MCF2L2: variants seen among roughly 807,000 people sequenced by gnomAD.
MCF2L2 encodes the protein probable guanine nucleotide exchange factor MCF2L2.
Under a neutral mutation model 150.2 loss-of-function variants are expected in MCF2L2, and 102 were observed. The observed-to-expected ratio is 0.68, with a 90% confidence interval of 0.58 to 0.80. The LOEUF is 0.80. MCF2L2 is among the 30% of genes least tolerant of loss of function. The pLI, the probability that MCF2L2 is intolerant of heterozygous loss-of-function variation, is 0.00. For missense variants in MCF2L2, 1,256 were observed against 1,372.8 expected (o/e 0.91, Z 1.34); for synonymous variants, 465 against 491.3 (o/e 0.95, Z 0.71).
chr3:183,289,254 C>T (rs1559999565), intron 13 of MCF2L2, 34 bp from the exon 14 acceptor site: 1 of 1,397,402 alleles, frequency 7.2e-7, no homozygotes, highest in South Asian at 1.2e-5. Flanking sequence ...GGTTATTTAA[C>T]TTATAAACTA....
At chr3:183,232,189 T>C (rs940056) in intron 15 of MCF2L2, among the ~76,000 whole-genome samples, 37,682 of 151,992 alleles carry the variant, frequency 0.25, 5,152 homozygotes, top group South Asian at 0.34. Flanking sequence ...TGGGCAGCCG[T>C]AGGAACTGAG....
intron 18 of MCF2L2, 55 bp downstream of exon 18, chr3:183,228,242 G>A (rs748040947): frequency 7.3e-6 from 10 of 1,364,626 alleles, no homozygotes; most frequent in Admixed American, 5.1e-5. Flanking sequence ...GCCACTTAAC[G>A]CAGAAATGTA....
At chr3:183,295,200 TA>T in intron 13 of MCF2L2, 99 bp downstream of exon 13, 1 of 1,281,248 alleles carries the variant, frequency 7.8e-7, no homozygotes, top group Non-Finnish European at 1.1e-6. Flanking sequence ...TAGTATCTGT[TA>T]AAACAGCGAC....
intron 5 of MCF2L2, among the ~76,000 whole-genome samples, chr3:183,326,257 G>A (rs753006023): frequency 3.3e-5 from 5 of 151,866 alleles, no homozygotes; most frequent in African/African-American, 4.8e-5. Context: ...TTTAACAGGC[G>A]GAGGCGGACA....
chr3:183,347,466 T>G (rs757165916), intron 3 of MCF2L2, among the ~76,000 whole-genome samples: 1 of 152,112 alleles, frequency 6.6e-6, no homozygotes, highest in African/African-American at 2.4e-5. Context: ...GAAGAAAACT[T>G]AGGCAATACC....
chr3:183,213,396 A>C (rs1026984525), intron 22 of MCF2L2, among the ~76,000 whole-genome samples: 3 of 152,194 alleles, frequency 2.0e-5, no homozygotes, highest in Non-Finnish European at 4.4e-5. Flanking sequence ...CAGAAAAACA[A>C]GAAAATATAA....
chr3:183,340,650 A>G (rs1730659241), intron 4 of MCF2L2, among the ~76,000 whole-genome samples: 2 of 152,154 alleles, frequency 1.3e-5, no homozygotes, highest in African/African-American at 4.8e-5. Context: ...TAATATATGA[A>G]TAAATAATTT....
intron 9 of MCF2L2, chr3:183,310,697 C>G: frequency 1.9e-6 from 1 of 532,986 alleles, no homozygotes; most frequent in Non-Finnish European, 3.4e-6. Flanking sequence ...CACTGAAATG[C>G]CATGTACATC....
intron 15 of MCF2L2, among the ~76,000 whole-genome samples, chr3:183,251,737 T>C (rs949535264): frequency 1.3e-5 from 2 of 151,992 alleles, no homozygotes; most frequent in African/African-American, 4.8e-5. Flanking sequence ...AAATCTGTCA[T>C]TCTCTTCCCC....
chr3:183,325,696 G>A (rs1729996291), intron 5 of MCF2L2, among the ~76,000 whole-genome samples: 1 of 152,162 alleles, frequency 6.6e-6, no homozygotes, highest in South Asian at 2.1e-4. Context: ...AAGTAACCTT[G>A]CACAGGGTCT....
chr3:183,190,522 G>A (rs527244089), intron 27 of MCF2L2, among the ~76,000 whole-genome samples: 41 of 152,362 alleles, frequency 2.7e-4, no homozygotes, highest in Admixed American at 2.4e-3. Context: ...AGGCACAGAC[G>A]TGGGCTTAGC....
intron 2 of MCF2L2, among the ~76,000 whole-genome samples, chr3:183,380,422 GAC>G (rs1713453426): frequency 6.6e-6 from 1 of 152,078 alleles, no homozygotes; most frequent in Admixed American, 6.5e-5. Context: ...CTTTTATTGA[GAC>G]AGAGTCTCGC....
intron 3 of MCF2L2, chr3:183,375,062 T>C (rs919217420): frequency 6.7e-6 from 1 of 149,976 alleles, no homozygotes; most frequent in Non-Finnish European, 1.5e-5. Flanking sequence ...CATAACAATA[T>C]ATGTTTTCAA....
At chr3:183,422,947 A>G (rs1715955307) in intron 1 of MCF2L2, among the ~76,000 whole-genome samples, 1 of 152,198 alleles carries the variant, frequency 6.6e-6, no homozygotes, top group South Asian at 2.1e-4. Context: ...TTTAAATGTG[A>G]CAAAATGGTA....
At chr3:183,349,839 G>C (rs1731043407) in intron 3 of MCF2L2, among the ~76,000 whole-genome samples, 1 of 151,672 alleles carries the variant, frequency 6.6e-6, no homozygotes, top group African/African-American at 2.4e-5. Context: ...TGTACCTTGT[G>C]GCAGCTTGAT....
Position 183,205,967 on chromosome 3 carries a change from A to G in MCF2L2, c.2806-13T>C. On this transcript the variant is annotated splice_polypyrimidine_tract_variant and intron_variant, in intron 24 of 29. Coordinates refer to ENST00000328913, the MANE Select transcript of MCF2L2 (RefSeq NM_015078.4). ...CTTTTGAAGCTGCCTGCAATCACAC[A>G]TAAGAAAACACTATAAGACTACCAT... 1 of 1,609,982 alleles carries G rather than the reference A, an allele frequency of 6.2e-7. No individual in the cohort carries two copies. Among genetic ancestry groups the G allele is most frequent in the East Asian group, 2.2e-5 (1 of 44,844 alleles).
intron 1 of MCF2L2, among the ~76,000 whole-genome samples, chr3:183,409,870 A>C (rs1038933218): frequency 4.0e-5 from 6 of 151,130 alleles, no homozygotes; most frequent in African/African-American, 1.5e-4. Flanking sequence ...ACATCATTTT[A>C]AATGTTATTT....
intron 27 of MCF2L2, among the ~76,000 whole-genome samples, chr3:183,185,950 T>TC (rs923937991): frequency 3.3e-5 from 5 of 152,024 alleles, no homozygotes; most frequent in Non-Finnish European, 7.4e-5. Flanking sequence ...CCCTGCCAGC[T>TC]CCTAAGGCAG....
chr3:183,265,710 A>G (rs1270942649), intron 15 of MCF2L2: 3 of 152,252 alleles, frequency 2.0e-5, no homozygotes, highest in African/African-American at 7.2e-5. Flanking sequence ...GAAGCTGTGT[A>G]ATACAAATGA....
Sources: allele counts gnomAD v4.1 joint callset (sites outside exome capture counted in the v4.1 genomes callset), GRCh38; gene constraint gnomAD v4.1.1; transcripts MANE v1.5; gene names NCBI Gene and HGNC (gene_info 2026-07-23, HGNC 2026-07-21).